CCDC18: variants seen among roughly 807,000 people sequenced by gnomAD.
CCDC18 encodes the protein coiled-coil domain-containing protein 18.
CCDC18 carries 157 observed loss-of-function variants against 196.0 expected under a neutral mutation model. The ratio of observed to expected loss-of-function variants is 0.80; its 90% CI spans 0.70 to 0.91. The LOEUF (loss-of-function observed/expected upper bound fraction) is 0.91, where lower values mean the gene tolerates loss of function less well. CCDC18 is among the 40% of genes least tolerant of loss of function. CCDC18 has a pLI of 0.00. For missense variants in CCDC18, 1,465 were observed against 1,611.6 expected, an observed-to-expected ratio of 0.91 and a Z score of 1.56; for synonymous variants, 482 against 529.2, an observed-to-expected ratio of 0.91 and a Z score of 1.22.
intron 21 of CCDC18, among the ~76,000 whole-genome samples, chr1:93,242,246 T>C (rs1183255062): frequency 5.9e-5 from 9 of 152,078 alleles, no homozygotes; most frequent in Admixed American, 5.9e-4. Context: ...AAGAAAGAAG[T>C]TTAATGGACT....
At chr1:93,234,324 G>A (rs1200436230) in intron 18 of CCDC18, among the ~76,000 whole-genome samples, 2 of 151,978 alleles carry the variant, frequency 1.3e-5, no homozygotes, top group Non-Finnish European at 2.9e-5. Context: ...ACCACATCCA[G>A]CTAATTTTTG....
chr1:93,246,713 T>C (rs1661536430), intron 22 of CCDC18, 125 bp from the exon 23 acceptor site: 1 of 550,952 alleles, frequency 1.8e-6, no homozygotes, highest in Non-Finnish European at 3.2e-6. Flanking sequence ...AGAGCATTAG[T>C]ATATTAGCTA....
At position 93,241,723 on chromosome 1, in the gene CCDC18, C is replaced by CAAAA. The variant is rs35810581; in HGVS notation, c.2981+1847_2981+1850dup. On this transcript the variant is annotated intron_variant, in intron 21 of 28. Coordinates refer to ENST00000690025, the MANE Select transcript of CCDC18 (RefSeq NM_001378204.1). Reference sequence around the variant, plus strand: ...TGAGTGACAGAGTGAGACTCCATCTCAAAAAAAAAAAAAAAAAAAAAAATA... The same window carrying CAAAA: ...TGAGTGACAGAGTGAGACTCCATCTCAAAAAAAAAAAAAAAAAAAAAAAAAAATA... 4.7e-3 allele frequency among the ~76,000 whole-genome samples: 279 copies of CAAAA among 59,548 alleles called. 17 individuals are homozygous for CAAAA. The highest frequency in any genetic ancestry group is 0.011 in the African/African-American group (163 of 15,092). The allele number at this position is 59,548 out of a possible 152,430, so 39.1% of individuals were successfully genotyped here.
intron 16 of CCDC18, among the ~76,000 whole-genome samples, chr1:93,225,747 A>T (rs562105960): frequency 9.9e-5 from 15 of 151,798 alleles, no homozygotes; most frequent in African/African-American, 2.9e-4. Context: ...ACTGCACTAC[A>T]GCCTGGGCTA....
rs368026820 is a variant in CCDC18, at chr1:93,232,415, A to G, written c.2293-11A>G. 4 of 1,495,508 alleles carry G rather than the reference A, an allele frequency of 2.7e-6. No homozygotes were observed. In the African/African-American group the frequency reaches 5.6e-5, roughly 21 times the overall value. The allele number at this position is 1,495,508 out of a possible 1,614,324, so 92.6% of individuals were successfully genotyped here. On this transcript the variant is annotated splice_polypyrimidine_tract_variant and intron_variant, in intron 17 of 28. Transcript: ENST00000690025. Reference sequence around the variant, plus strand: ...GCATTGTATTGAGAGATATATATATATATTTGCCAGGTATATTGTTTACAG... The same window carrying G: ...GCATTGTATTGAGAGATATATATATGTATTTGCCAGGTATATTGTTTACAG...
chr1:93,212,061 A>C (rs777026332), intron 10 of CCDC18, 40 bp from the exon 11 acceptor site: 4 of 1,533,864 alleles, frequency 2.6e-6, no homozygotes, highest in Non-Finnish European at 3.5e-6. Flanking sequence ...TTTTTATAGA[A>C]TCTTTCTAAT....
rs376228033 is a variant in CCDC18, at chr1:93,222,896, T to C, written c.2175+960T>C. Among the ~76,000 whole-genome samples, 3 of 152,330 alleles carry C rather than the reference T, an allele frequency of 2.0e-5. No homozygotes were observed. In the East Asian group the frequency reaches 5.8e-4, roughly 29 times the overall value. On this transcript the variant is annotated intron_variant, in intron 16 of 28. Coordinates refer to ENST00000690025, the MANE Select transcript of CCDC18 (RefSeq NM_001378204.1). ...ATATGTAGCTTGAATATAAAAGATT[T>C]GCTTTAAAGATACGATGTTATTTTT...
chr1:93,268,443 T>TTAAAC (rs963913196), intron 27 of CCDC18, among the ~76,000 whole-genome samples: 2 of 151,966 alleles, frequency 1.3e-5, no homozygotes, highest in African/African-American at 4.8e-5. Flanking sequence ...TGGGATCTAA[T>TTAAAC]TAAAGAGCTT....
rs377179844 is a variant in CCDC18 at position 93,183,465 on chromosome 1, G to T, written c.104G>T (p.Ser35Ile). The change falls in exon 2 of 29, where the codon AGT (serine) becomes ATT (isoleucine). Residue 35 changes from serine (S) to isoleucine (I), a missense_variant. Transcript: ENST00000690025. ...LRHELKITEW[S>I]LQSLGEELSS... ...CATGAACTGAAGATAACAGAATGGA[G>T]TTTGCAGAGTTTAGGGGAAGAGTTA... The T allele has an allele frequency of 1.2e-6, 2 of 1,603,136 alleles. No individual in the cohort carries two copies. Among genetic ancestry groups the T allele is most frequent in the Non-Finnish European group, 1.7e-6 (2 of 1,174,836 alleles).
chr1:93,199,399 C>A (rs1653411553), intron 6 of CCDC18, among the ~76,000 whole-genome samples: 1 of 152,224 alleles, frequency 6.6e-6, no homozygotes, highest in South Asian at 2.1e-4. Flanking sequence ...ATAGCATAAG[C>A]AGCTTCTGTG....
chr1:93,259,398 G>A (rs982803831), intron 26 of CCDC18, among the ~76,000 whole-genome samples: 2 of 152,052 alleles, frequency 1.3e-5, no homozygotes, highest in African/African-American at 2.4e-5. Flanking sequence ...ACAGAAATGG[G>A]CAGTATTATT....
upstream of CCDC18, chr1:93,179,945 C>T (rs1358604265): frequency 8.1e-7 from 1 of 1,239,980 alleles, no homozygotes; most frequent in Non-Finnish European, 1.1e-6. Flanking sequence ...GAACGGCCCT[C>T]GCCTCTTCAC....
intron 1 of CCDC18, 51 bp downstream of exon 1, chr1:93,180,903 G>T (rs748256044): frequency 7.4e-7 from 1 of 1,360,278 alleles, no homozygotes; most frequent in Admixed American, 1.9e-5. Context: ...GCGCCTTGGC[G>T]TGGGGAAACC....
intron 4 of CCDC18, among the ~76,000 whole-genome samples, chr1:93,188,360 C>G (rs963636547): frequency 1.3e-5 from 2 of 152,200 alleles, no homozygotes; most frequent in African/African-American, 4.8e-5. Context: ...CAACTGCTAC[C>G]CTGGGACTTC....
chr1:93,198,167 C>T (rs1314780543), intron 6 of CCDC18, among the ~76,000 whole-genome samples: 1 of 152,138 alleles, frequency 6.6e-6, no homozygotes, highest in Non-Finnish European at 1.5e-5. Flanking sequence ...TTCATTTCAA[C>T]AAAACTTAGT....
chr1:93,217,351 T>G (rs996871488), intron 13 of CCDC18, among the ~76,000 whole-genome samples: 6 of 152,240 alleles, frequency 3.9e-5, no homozygotes, highest in African/African-American at 1.4e-4. Flanking sequence ...GCCATTTTGT[T>G]AAAGTTTGAA....
chr1:93,219,670 C>T (rs140623593), intron 14 of CCDC18, among the ~76,000 whole-genome samples: 71 of 152,218 alleles, frequency 4.7e-4, no homozygotes, highest in African/African-American at 1.1e-3. Context: ...ATTGTTTATT[C>T]GTGGAATTTT....
chr1:93,187,628 T>C (rs1298489844), intron 4 of CCDC18, among the ~76,000 whole-genome samples: 4 of 152,130 alleles, frequency 2.6e-5, no homozygotes, highest in Non-Finnish European at 4.4e-5. Context: ...AGACTTTATT[T>C]TTCTTTTCTG....
At chr1:93,225,303 C>A (rs551843356) in intron 16 of CCDC18, among the ~76,000 whole-genome samples, 1 of 152,112 alleles carries the variant, frequency 6.6e-6, no homozygotes, top group Non-Finnish European at 1.5e-5. Flanking sequence ...ACGAAAAGTA[C>A]CAAATTTGAG....
Sources: allele counts gnomAD v4.1 joint callset (sites outside exome capture counted in the v4.1 genomes callset), GRCh38; gene constraint gnomAD v4.1.1; transcripts MANE v1.5; gene names NCBI Gene and HGNC (gene_info 2026-07-23, HGNC 2026-07-21).